The following OLA1 variants were observed in gnomAD, a reference collection of about 807,000 sequenced individuals.
The protein encoded by OLA1 is Obg like ATPase 1, also known as obg-like ATPase 1.
A neutral mutation model predicts 48.4 loss-of-function variants in OLA1; 14 were observed. The ratio of observed to expected loss-of-function variants is 0.29; its 90% CI spans 0.19 to 0.45. The LOEUF (loss-of-function observed/expected upper bound fraction) is 0.45. Ranked by LOEUF, OLA1 falls within the 20% of genes least tolerant of loss-of-function variation. The pLI is 1.00. For missense variants in OLA1, 325 were observed against 467.1 expected (o/e 0.70, Z 2.80); for synonymous variants, 127 against 150.4 (o/e 0.84, Z 1.14).
intron 4 of OLA1, among the ~76,000 whole-genome samples, chr2:174,197,964 G>T (rs1687914963): frequency 6.6e-6 from 1 of 152,124 alleles, no homozygotes; most frequent in Non-Finnish European, 1.5e-5. Flanking sequence ...TGCAATAAAG[G>T]TTTGTTTTGT....
intron 4 of OLA1, among the ~76,000 whole-genome samples, chr2:174,164,348 A>AATACCATTCTGCATAGTGCAGAATGG (rs71021674): frequency 0.47 from 57,915 of 123,600 alleles, 15,035 homozygotes; most frequent in East Asian, 0.91. Context: ...GGCACTACGC[A>AATACCATTCTGCATAGTGCAGAATGG]ATACCATTCT....
intron 4 of OLA1, among the ~76,000 whole-genome samples, chr2:174,198,977 TAAAC>T (rs1215196961): frequency 6.6e-6 from 1 of 152,158 alleles, no homozygotes; most frequent in African/African-American, 2.4e-5. Flanking sequence ...CAATTAAAAA[TAAAC>T]AACCCAGTTT....
At chr2:174,077,913 G>A (rs1684783421) in intron 10 of OLA1, among the ~76,000 whole-genome samples, 2 of 151,860 alleles carry the variant, frequency 1.3e-5, no homozygotes, top group Admixed American at 1.3e-4. Flanking sequence ...TTCAATCTCA[G>A]TATTTTTGCA....
At chr2:174,182,349 C>A (rs1687564886) in intron 4 of OLA1, among the ~76,000 whole-genome samples, 1 of 151,928 alleles carries the variant, frequency 6.6e-6, no homozygotes, top group South Asian at 2.1e-4. Flanking sequence ...ACATGAAGAA[C>A]CCCTGTCTCT....
chr2:174,110,091 A>ATTTTT (rs199583094), intron 7 of OLA1, among the ~76,000 whole-genome samples: 8,553 of 110,756 alleles, frequency 0.077, 992 homozygotes, highest in East Asian at 0.6. Context: ...TTTGCTAAGG[A>ATTTTT]TTTTTTTTTT....
At position 174,162,019 on chromosome 2, in the gene OLA1, C is replaced by T. The variant is rs574072605; in HGVS notation, c.374-20019G>A. 6.4e-4 allele frequency among the ~76,000 whole-genome samples: 98 copies of T among 152,048 alleles called. 1 individual carries two copies. The highest frequency in any genetic ancestry group is 1.3e-3 in the Non-Finnish European group (86 of 67,966). ...TAAACCATGGCATCAAAAAATGATC[C>T]TACATGTAGAAGGCTCCTAATCTCA... On this transcript the variant is annotated intron_variant, in intron 4 of 10. Transcript: ENST00000284719.
In OLA1 at chr2:174,223,103, G is replaced by A; in HGVS notation, c.303C>T (p.His101=). ...AAGCATTCCCCAGGCCCTGCCCATTGTGAGCTCCTTTCACAAGGCCAGCAA... is the reference window on the plus strand; with the variant it reads ...AAGCATTCCCCAGGCCCTGCCCATTATGAGCTCCTTTCACAAGGCCAGCAA... ...VDIAGLVKGA[H]NGQGLGNAFL... The change falls in exon 4 of 11, where the codon CAC becomes CAT. Residue 101 remains histidine (H), a synonymous_variant. Transcript: ENST00000284719. 1 of 1,613,954 alleles carries A rather than the reference G, an allele frequency of 6.2e-7. No individual in the cohort carries two copies. The highest frequency in any genetic ancestry group is 8.5e-7 in the Non-Finnish European group (1 of 1,179,878).
chr2:174,156,667 C>G (rs1326630701), intron 4 of OLA1, among the ~76,000 whole-genome samples: 1 of 150,572 alleles, frequency 6.6e-6, no homozygotes, highest in African/African-American at 2.4e-5. Flanking sequence ...TCACTGCAAC[C>G]CCCACCTACC....
At position 174,210,898 on chromosome 2, in the gene OLA1, C is replaced by T. The variant is rs142240467; in HGVS notation, c.373+12135G>A. ...ATTCTTACCTTTGAAAAAGAAAAGG[C>T]CATATGAAATGAAATACTGAATTCT... On this transcript the variant is annotated intron_variant, in intron 4 of 10. Coordinates refer to ENST00000284719, the MANE Select transcript of OLA1 (RefSeq NM_013341.5). Among the ~76,000 whole-genome samples, 46 of 152,248 alleles carry T rather than the reference C, an allele frequency of 3.0e-4. No individual in the cohort carries two copies. The South Asian group carries it at 4.6e-3, about 15-fold the overall frequency.
Position 174,228,576 on chromosome 2 carries a change from CTAA to C in OLA1, c.245+729_245+731del, listed in dbSNP as rs1172181691. Among the ~76,000 whole-genome samples the C allele has an allele frequency of 4.6e-5, 7 of 152,004 alleles. No homozygotes were observed. The East Asian group carries it at 1.4e-3, about 29-fold the overall frequency. The stretch of plus-strand genomic sequence containing the variant: ...TGAACTTAAACTATCTCACTTTTTC[CTAA>C]TAAAACAGTTTTACTTATTTTTTTA... On this transcript the variant is annotated intron_variant, in intron 3 of 10. Transcript: ENST00000284719.
chr2:174,149,618 G>A (rs183490239), intron 4 of OLA1, among the ~76,000 whole-genome samples: 8 of 152,246 alleles, frequency 5.3e-5, no homozygotes, highest in Non-Finnish European at 1.0e-4. Flanking sequence ...CTCCCTTACT[G>A]AGGTCCACTC....
chr2:174,197,433 T>G (rs1345000398), intron 4 of OLA1, among the ~76,000 whole-genome samples: 7 of 31,692 alleles, frequency 2.2e-4, no homozygotes, highest in Admixed American at 3.1e-4. Context: ...TGGTTTGTTG[T>G]TTTTTTTTTT....
intron 4 of OLA1, among the ~76,000 whole-genome samples, chr2:174,163,026 AGAGT>A (rs1486314527): frequency 6.6e-6 from 1 of 152,194 alleles, no homozygotes; most frequent in Admixed American, 6.5e-5. Context: ...CCTGGGCAAC[AGAGT>A]GAGACTGTCT....
intron 5 of OLA1, among the ~76,000 whole-genome samples, chr2:174,132,136 A>T (rs1316248519): frequency 6.6e-6 from 1 of 152,000 alleles, no homozygotes; most frequent in African/African-American, 2.4e-5. Context: ...TTTCAAATTC[A>T]TTGCCATAAG....
At chr2:174,227,262 G>A (rs1688636720) in intron 3 of OLA1, among the ~76,000 whole-genome samples, 1 of 152,040 alleles carries the variant, frequency 6.6e-6, no homozygotes, top group African/African-American at 2.4e-5. Context: ...AAAAGAAAAG[G>A]AAAAAATAAG....
chr2:174,125,726 T>C (rs886619144), intron 5 of OLA1, among the ~76,000 whole-genome samples: 2 of 152,200 alleles, frequency 1.3e-5, no homozygotes, highest in African/African-American at 4.8e-5. Context: ...CACAAAAGCA[T>C]TTTGGCATTT....
chr2:174,123,758 A>G lies in OLA1; in HGVS notation c.550-83T>C, dbSNP rs976105198. On this transcript the variant is annotated intron_variant, in intron 5 of 10. Coordinates refer to ENST00000284719, the MANE Select transcript of OLA1 (RefSeq NM_013341.5). ...AATATTAAAAAGTTTTCAAATTTTC[A>G]AAATAAAAATAGATTGTTTTAATGA... The G allele has an allele frequency of 1.5e-5, 9 of 594,454 alleles. No homozygotes were observed. In the African/African-American group the frequency reaches 1.7e-4, roughly 12 times the overall value. The allele number at this position is 594,454 out of a possible 1,614,324, so 36.8% of individuals were successfully genotyped here.
At chr2:174,137,955 G>A (rs987626310) in intron 5 of OLA1, among the ~76,000 whole-genome samples, 1 of 152,118 alleles carries the variant, frequency 6.6e-6, no homozygotes, top group Non-Finnish European at 1.5e-5. Context: ...TAAGCCCAGG[G>A]GTTTGGAACC....
intron 2 of OLA1, among the ~76,000 whole-genome samples, chr2:174,241,525 G>C (rs1195150236): frequency 6.6e-6 from 1 of 152,224 alleles, no homozygotes; most frequent in Non-Finnish European, 1.5e-5. Flanking sequence ...TGCATTCCCA[G>C]AAGGATCAGC....
Sources: allele counts gnomAD v4.1 joint callset (sites outside exome capture counted in the v4.1 genomes callset), GRCh38; gene constraint gnomAD v4.1.1; transcripts MANE v1.5; gene names NCBI Gene and HGNC (gene_info 2026-07-23, HGNC 2026-07-21).